The following HAS3 variants were observed in gnomAD, a reference collection of about 807,000 sequenced individuals.
The protein encoded by HAS3 is HA synthase 3.
A neutral mutation model predicts 50.3 loss-of-function variants in HAS3; 27 were observed. The ratio of observed to expected loss-of-function variants is 0.54; its 90% CI spans 0.40 to 0.74. The LOEUF is 0.74. Among genes scored for constraint, HAS3 ranks in the 30% least tolerant of loss-of-function variants. The pLI is 0.00. For synonymous variants in HAS3, 339 were observed against 310.9 expected, an observed-to-expected ratio of 1.09 and a Z score of -0.95; for missense variants, 517 against 742.8, an observed-to-expected ratio of 0.70 and a Z score of 3.53.
intron 2 of HAS3, among the ~76,000 whole-genome samples, chr16:69,111,157 A>ATTTTTTTTTTTT (rs71148963): frequency 1.6e-5 from 1 of 62,304 alleles, no homozygotes; most frequent in East Asian, 6.1e-4. Flanking sequence ...CTAGGCCAGG[A>ATTTTTTTTTTTT]TTTTTTTTTT....
the HAS3 span, among the ~76,000 whole-genome samples, chr16:69,088,577 A>C: frequency 2.0e-5 from 3 of 151,876 alleles, no homozygotes; most frequent in Admixed American, 6.6e-5. Context: ...AAAAAAAAGA[A>C]AAGACAAGAA....
chr16:69,118,521 T>C (rs775897961), downstream of HAS3: 161 of 994,698 alleles, frequency 1.6e-4, no homozygotes, highest in Non-Finnish European at 1.1e-4. Flanking sequence ...CAGGCCAATG[T>C]ATCCCTGAGG....
At chr16:69,113,187 G>A (rs1351073182) in intron 2 of HAS3, among the ~76,000 whole-genome samples, 2 of 152,190 alleles carry the variant, frequency 1.3e-5, no homozygotes, top group African/African-American at 2.4e-5. Flanking sequence ...CTCTCTCCAC[G>A]CCTGGCACCT....
At chr16:69,100,564 G>C in the HAS3 span, among the ~76,000 whole-genome samples, 1 of 152,080 alleles carries the variant, frequency 6.6e-6, no homozygotes, top group African/African-American at 2.4e-5. Context: ...GAGGGTGAGG[G>C]GGCAGCCTAT....
intron 2 of HAS3, among the ~76,000 whole-genome samples, chr16:69,111,841 C>T (rs1268281977): frequency 2.0e-5 from 3 of 152,164 alleles, no homozygotes; most frequent in African/African-American, 7.2e-5. Context: ...GTCATCTATT[C>T]CCTTCAAGCA....
In HAS3 at chr16:69,114,358, G is replaced by A. The variant is rs1413838677; in HGVS notation, c.754G>A (p.Asp252Asn). 3.7e-6 allele frequency: 6 copies of A among 1,601,132 alleles called. No individual in the cohort carries two copies. The highest frequency in any genetic ancestry group is 1.7e-5 in the Admixed American group (1 of 59,838). The change falls in exon 4 of 4, where the codon GAC becomes AAC. Residue 252 changes from aspartate (D) to asparagine (N), a missense_variant. Physicochemically the swap from Asp to Asn is conservative, Grantham distance 23. Coordinates refer to ENST00000569188, the MANE Select transcript of HAS3 (RefSeq NM_001199280.2). The surrounding 1 kb of genome is among the most constrained non-coding windows in gnomAD (Gnocchi z 6.4). ...GGDVQILNKY[D>N]SWISFLSSVR... ...TCCCTTGCAGATCCTCAACAAGTAC[G>A]ACTCATGGATTTCCTTCCTGAGCAG...
Position 69,107,281 on chromosome 16 carries a change from C to T in HAS3, c.-1+1494C>T, listed in dbSNP as rs1173329987. Reference sequence around the variant, plus strand: ...TCTATTTGGGGGTGGGGGTAGTAACCTGGGTAATGCCTCTAATTCCTGCGG... The same window carrying T: ...TCTATTTGGGGGTGGGGGTAGTAACTTGGGTAATGCCTCTAATTCCTGCGG... On this transcript the variant is annotated intron_variant, in intron 1 of 3. Transcript: ENST00000569188. The surrounding 1 kb of genome is among the most constrained non-coding windows in gnomAD (Gnocchi z 5.5). The T allele has an allele frequency of 1.0e-6, 1 of 961,780 alleles. No individual in the cohort carries two copies. The highest frequency in any genetic ancestry group is 1.8e-5 in the African/African-American group (1 of 56,744). The allele number at this position is 961,780 out of a possible 1,614,324, so 59.6% of individuals were successfully genotyped here.
At chr16:69,085,315 A>G in the HAS3 span, 1 of 152,370 alleles carries the variant, frequency 6.6e-6, no homozygotes, top group African/African-American at 2.4e-5. Flanking sequence ...TGATTAGTCT[A>G]AGACACTATC....
In HAS3 at chr16:69,109,872, C is replaced by G. The variant is rs1018555293; in HGVS notation, c.477C>G (p.Gly159=). The change falls in exon 2 of 4, where the codon GGC becomes GGG. Residue 159 remains glycine (G), a synonymous_variant. Coordinates refer to ENST00000569188, the MANE Select transcript of HAS3 (RefSeq NM_001199280.2). The surrounding 1 kb of genome is among the most constrained non-coding windows in gnomAD (Gnocchi z 5.3). ...FVWRSNFHEA[G]EGETEASLQE... is the part of the protein sequence containing the mutation. The stretch of plus-strand genomic sequence containing the variant: ...GGCGCAGCAACTTCCATGAGGCAGG[C>G]GAGGGTGAGACGGAGGCCAGCCTGC... 1 of 1,613,662 alleles carries G rather than the reference C, an allele frequency of 6.2e-7. No homozygotes were observed. Among genetic ancestry groups the G allele is most frequent in the Admixed American group, 1.7e-5 (1 of 60,024 alleles).
At position 69,107,905 on chromosome 16, in the gene HAS3, C is replaced by T. The variant is rs1960862500; in HGVS notation, c.1-1491C>T. 6.6e-6 allele frequency among the ~76,000 whole-genome samples: 1 copy of T among 152,360 alleles called. No individual in the cohort carries two copies. The highest frequency in any genetic ancestry group is 1.9e-4 in the East Asian group (1 of 5,180). ...AGGCTGCCAGCAGCTCTTTTCGGGCCAACGCTGCTGGAAGGCTGCTAGTGC... is the reference window on the plus strand; with the variant it reads ...AGGCTGCCAGCAGCTCTTTTCGGGCTAACGCTGCTGGAAGGCTGCTAGTGC... On this transcript the variant is annotated intron_variant, in intron 1 of 3. Coordinates refer to ENST00000569188, the MANE Select transcript of HAS3 (RefSeq NM_001199280.2). This position sits in a 1 kb window ranked among gnomAD's most constrained non-coding sequence, Gnocchi z 5.5.
At chr16:69,098,179 C>T in the HAS3 span, among the ~76,000 whole-genome samples, 13 of 151,952 alleles carry the variant, frequency 8.6e-5, no homozygotes, top group Non-Finnish European at 1.5e-4. Flanking sequence ...GTCAGGAGAT[C>T]GAGACCACAG....
upstream of HAS3, among the ~76,000 whole-genome samples, chr16:69,102,353 T>A (rs905199736): frequency 2.6e-5 from 4 of 152,206 alleles, no homozygotes; most frequent in African/African-American, 9.7e-5. Flanking sequence ...TTAGCCCTAT[T>A]TCTAAATCCC....
At position 69,109,912 on chromosome 16, in the gene HAS3, C is replaced by T. The variant is rs751988494; in HGVS notation, c.517C>T (p.Arg173Cys). 2.1e-5 allele frequency: 34 copies of T among 1,613,914 alleles called. No homozygotes were observed. Among genetic ancestry groups the T allele is most frequent in the East Asian group, 4.5e-5 (2 of 44,894 alleles). ...GGCCAGCCTGCAGGAGGGCATGGAC[C>T]GTGTGCGGGATGTGGTGCGGGCCAG... Reference protein sequence around the residue: ...TEASLQEGMDRVRDVVRASTF... With the variant: ...TEASLQEGMDCVRDVVRASTF... Residue 173 changes from arginine (R) to cysteine (C), a missense_variant, in exon 2 of 4, where the codon CGT becomes TGT. By Grantham distance (180) the Arg-to-Cys change is radical. Transcript: ENST00000569188. This position sits in a 1 kb window ranked among gnomAD's most constrained non-coding sequence, Gnocchi z 5.3.
chr16:69,098,659 CTGAT>C, the HAS3 span, among the ~76,000 whole-genome samples: 1 of 143,754 alleles, frequency 7.0e-6, no homozygotes, highest in East Asian at 2.0e-4. Context: ...ATTATCAAAC[CTGAT>C]TTTTTTTTTT....
At chr16:69,098,356 G>A in the HAS3 span, among the ~76,000 whole-genome samples, 1 of 151,128 alleles carries the variant, frequency 6.6e-6, no homozygotes, top group Non-Finnish European at 1.5e-5. Flanking sequence ...GGGTGACAGA[G>A]CAAGACTCCG....
chr16:69,103,171 G>A (rs1219263911), upstream of HAS3, among the ~76,000 whole-genome samples: 2 of 152,210 alleles, frequency 1.3e-5, no homozygotes, highest in South Asian at 4.1e-4. Context: ...AGGGAGATGA[G>A]CCTCTAAACG....
chr16:69,089,021 C>T, the HAS3 span, among the ~76,000 whole-genome samples: 2 of 152,140 alleles, frequency 1.3e-5, no homozygotes, highest in African/African-American at 4.8e-5. Flanking sequence ...TTCATGCCAC[C>T]CCCCAACTTG....
rs377095372 is a variant in HAS3, at chr16:69,109,752, C to T, written c.357C>T (p.Val119=). The part of the protein sequence containing the change: ...QRISFPDLKV[V]MVVDGNRQED... ...TCTCCTTCCCTGACCTCAAGGTGGTCATGGTGGTGGATGGCAACCGCCAGG... is the reference window on the plus strand; with the variant it reads ...TCTCCTTCCCTGACCTCAAGGTGGTTATGGTGGTGGATGGCAACCGCCAGG... Residue 119 remains valine (V), a synonymous_variant, in exon 2 of 4, where the codon GTC becomes GTT. Coordinates refer to ENST00000569188, the MANE Select transcript of HAS3 (RefSeq NM_001199280.2). The surrounding 1 kb of genome is among the most constrained non-coding windows in gnomAD (Gnocchi z 5.3). 77 of 1,611,620 alleles carry T rather than the reference C, an allele frequency of 4.8e-5. No individual in the cohort carries two copies. The highest frequency in any genetic ancestry group is 6.4e-5 in the Non-Finnish European group (75 of 1,180,014).
chr16:69,094,929 C>T, the HAS3 span, among the ~76,000 whole-genome samples: 2 of 151,624 alleles, frequency 1.3e-5, no homozygotes, highest in Admixed American at 6.6e-5. Context: ...CACATCCTTC[C>T]TTCTTTTATT....
Sources: gnomAD v4.1 joint callset for allele counts (sites outside exome capture counted in the v4.1 genomes callset) on GRCh38, gnomAD v4.1.1 for gene constraint, Gnocchi (gnomAD v3.1) non-coding constraint, MANE v1.5 for transcripts, NCBI Gene and HGNC (gene_info 2026-07-23, HGNC 2026-07-21) for gene names.